ESRRG: variants seen among roughly 807,000 people sequenced by gnomAD.
ESRRG encodes estrogen-related receptor gamma.
In ESRRG, 13 loss-of-function variants were observed where a neutral mutation model predicts 44.0. The observed-to-expected ratio is 0.30, with a 90% CI of 0.19 to 0.47. The LOEUF (loss-of-function observed/expected upper bound fraction) is 0.47, where lower values mean the gene tolerates loss of function less well. Ranked by LOEUF, ESRRG falls within the 20% of genes least tolerant of loss-of-function variation. The probability of loss-of-function intolerance (pLI) is 1.00; values close to 1 mark genes in which losing one functional copy is unlikely to be tolerated. For synonymous variants in ESRRG, 215 were observed against 214.6 expected, an observed-to-expected ratio of 1.00 and a Z score of -0.02; for missense variants, 395 against 580.6, an observed-to-expected ratio of 0.68 and a Z score of 3.29.
intron 2 of ESRRG, among the ~76,000 whole-genome samples, chr1:216,865,373 T>C (rs892620797): frequency 6.6e-6 from 1 of 152,012 alleles, no homozygotes; most frequent in Non-Finnish European, 1.5e-5. Context: ...TAAATGAACA[T>C]TGCTCAGGTA....
intron 1 of ESRRG, among the ~76,000 whole-genome samples, chr1:216,706,259 G>A (rs1164472162): frequency 1.3e-5 from 2 of 152,138 alleles, no homozygotes; most frequent in East Asian, 1.9e-4. Flanking sequence ...AGACTATGGC[G>A]GGGGTGGGGG....
chr1:217,030,551 C>A (rs1560530771), intron 1 of ESRRG, among the ~76,000 whole-genome samples: 1 of 152,186 alleles, frequency 6.6e-6, no homozygotes, highest in Admixed American at 6.5e-5. Flanking sequence ...TTTCTGATCC[C>A]CAGCTTCCTC....
At chr1:217,023,080 C>T (rs964171713) in intron 1 of ESRRG, among the ~76,000 whole-genome samples, 1 of 152,050 alleles carries the variant, frequency 6.6e-6, no homozygotes. Context: ...CTACTCTGGC[C>T]AAGATCCATT....
chr1:216,954,137 T>C (rs2067494172), intron 1 of ESRRG, among the ~76,000 whole-genome samples: 1 of 152,150 alleles, frequency 6.6e-6, no homozygotes, highest in Non-Finnish European at 1.5e-5. Context: ...TTACATCATA[T>C]CTCATCTCTG....
chr1:216,561,401 G>C (rs1387918376), intron 5 of ESRRG, among the ~76,000 whole-genome samples: 1 of 152,082 alleles, frequency 6.6e-6, no homozygotes, highest in African/African-American at 2.4e-5. Flanking sequence ...CAAAAACAAA[G>C]AGTTTTAAAG....
chr1:216,544,844 C>T (rs2053998491), intron 5 of ESRRG, among the ~76,000 whole-genome samples: 1 of 151,874 alleles, frequency 6.6e-6, no homozygotes, highest in Admixed American at 6.6e-5. Flanking sequence ...AATTGAAAGA[C>T]AGTGACATGA....
intron 1 of ESRRG, among the ~76,000 whole-genome samples, chr1:216,980,062 TA>T (rs1328596144): frequency 1.3e-5 from 2 of 152,170 alleles, no homozygotes; most frequent in Admixed American, 6.6e-5. Flanking sequence ...TCTACCCAAT[TA>T]AAACGCTCAC....
At chr1:216,726,703 A>G (rs1050712809), upstream of ESRRG, among the ~76,000 whole-genome samples, 2 of 152,214 alleles carry the variant, frequency 1.3e-5, no homozygotes, top group African/African-American at 4.8e-5. Flanking sequence ...ATTAGTTAAT[A>G]TCAGTCTATT....
chr1:217,062,936 C>T (rs538492820), intron 1 of ESRRG, among the ~76,000 whole-genome samples: 1 of 152,236 alleles, frequency 6.6e-6, no homozygotes, highest in East Asian at 1.9e-4. Flanking sequence ...ATAAGGTGCA[C>T]GCTACTTCAT....
intron 2 of ESRRG, among the ~76,000 whole-genome samples, chr1:216,882,592 A>T (rs2096462563): frequency 6.6e-6 from 1 of 152,242 alleles, no homozygotes; most frequent in Non-Finnish European, 1.5e-5. Context: ...TGTTCAATAT[A>T]AACATATATA....
At chr1:216,708,141 C>T (rs1000923861) in intron 1 of ESRRG, among the ~76,000 whole-genome samples, 6 of 150,968 alleles carry the variant, frequency 4.0e-5, no homozygotes, top group Non-Finnish European at 4.4e-5. Flanking sequence ...TTAAGACAGT[C>T]GTAATTAAAC....
In ESRRG at chr1:217,103,926, T is replaced by G. The variant is rs2092555185; in HGVS notation, c.-230+33741A>C. ...AGACAGCGTGGGGCACTGGAAATAG[T>G]AGGGGAAAATATCAGAGAGATGGGA... On this transcript the variant is annotated intron_variant, in intron 1 of 8. Coordinates refer to the ESRRG transcript ENST00000366940. 3.3e-5 allele frequency among the ~76,000 whole-genome samples: 5 copies of G among 151,892 alleles called. No homozygotes were observed. The South Asian group carries it at 1.0e-3, about 32-fold the overall frequency.
At chr1:216,939,980 C>T (rs533913519) in intron 1 of ESRRG, among the ~76,000 whole-genome samples, 7 of 152,164 alleles carry the variant, frequency 4.6e-5, no homozygotes, top group Middle Eastern at 6.8e-3. Flanking sequence ...ATAGCAAATG[C>T]TCTGGTTAGG....
chr1:216,525,628 T>C (rs773684033), intron 5 of ESRRG, among the ~76,000 whole-genome samples: 1 of 151,990 alleles, frequency 6.6e-6, no homozygotes, highest in Non-Finnish European at 1.5e-5. Flanking sequence ...TGTTTGGCCA[T>C]CAAGAAAATA....
chr1:217,032,040 C>CT (rs1327378476), intron 1 of ESRRG, among the ~76,000 whole-genome samples: 2 of 152,094 alleles, frequency 1.3e-5, no homozygotes, highest in African/African-American at 4.8e-5. Flanking sequence ...TTTCCCCTTG[C>CT]TAAGGTGCTA....
chr1:216,554,264 G>T (rs999836663), intron 5 of ESRRG, among the ~76,000 whole-genome samples: 6 of 151,914 alleles, frequency 3.9e-5, no homozygotes, highest in Non-Finnish European at 7.4e-5. Flanking sequence ...GACCAGCCTG[G>T]CCAACATGGT....
intron 2 of ESRRG, among the ~76,000 whole-genome samples, chr1:216,814,709 T>C: frequency 6.6e-6 from 1 of 152,226 alleles, no homozygotes; most frequent in East Asian, 1.9e-4. Flanking sequence ...AACTATAAAC[T>C]GTAAACATTT....
Position 216,579,972 on chromosome 1 carries a change from G to C in ESRRG, c.590-11874C>G, listed in dbSNP as rs990135174. ...CTGCAAACGTCAAGGTATTTCATTT[G>C]TTACATATATTCAGCTTAATTCCAT... On this transcript the variant is annotated intron_variant, in intron 3 of 6. Coordinates refer to ENST00000408911, the MANE Select transcript of ESRRG (RefSeq NM_001438.4). Among the ~76,000 whole-genome samples, 3 of 152,234 alleles carry C rather than the reference G, an allele frequency of 2.0e-5. No individual in the cohort carries two copies. The East Asian group carries it at 5.8e-4, about 29-fold the overall frequency.
At chr1:216,894,253 A>G (rs1161344800) in intron 2 of ESRRG, among the ~76,000 whole-genome samples, 3 of 152,282 alleles carry the variant, frequency 2.0e-5, no homozygotes, top group Non-Finnish European at 4.4e-5. Context: ...ATTTCATTTC[A>G]CAGACTCGGG....
Sources: gnomAD v4.1 joint callset for allele counts (sites outside exome capture counted in the v4.1 genomes callset) on GRCh38, gnomAD v4.1.1 for gene constraint, MANE v1.5 for transcripts, NCBI Gene and HGNC (gene_info 2026-07-23, HGNC 2026-07-21) for gene names.